TLN2: variants seen among roughly 807,000 people sequenced by gnomAD.
TLN2 encodes the protein talin-2.
A neutral mutation model predicts 294.7 loss-of-function variants in TLN2; 118 were observed. The ratio of observed to expected loss-of-function variants is 0.40; its 90% confidence interval spans 0.34 to 0.47. The LOEUF (loss-of-function observed/expected upper bound fraction) is 0.47. Ranked by LOEUF, TLN2 falls within the 20% of genes least tolerant of loss-of-function variation. The pLI is 0.84. For missense variants in TLN2, 3,083 were observed against 3,282.2 expected, an observed-to-expected ratio of 0.94 and a Z score of 1.48; for synonymous variants, 1,431 against 1,304.5, an observed-to-expected ratio of 1.10 and a Z score of -2.09.
chr15:62,610,989 C>G (rs911140162), intron 2 of TLN2, among the ~76,000 whole-genome samples: 1 of 152,110 alleles, frequency 6.6e-6, no homozygotes, highest in African/African-American at 2.4e-5. Flanking sequence ...ACCATGGCAC[C>G]CCCTCCTGCA....
At chr15:62,438,388 C>T (rs914772375) in intron 1 of TLN2, among the ~76,000 whole-genome samples, 1 of 152,146 alleles carries the variant, frequency 6.6e-6, no homozygotes, top group Non-Finnish European at 1.5e-5. Flanking sequence ...TCTGAAAGGT[C>T]CTTTCCTATC....
chr15:62,772,046 G>C (rs2063379523), intron 42 of TLN2, among the ~76,000 whole-genome samples: 1 of 152,100 alleles, frequency 6.6e-6, no homozygotes, highest in Admixed American at 6.5e-5. Context: ...TCCTGCCTCA[G>C]CCTCCCAAGT....
At chr15:62,682,400 A>G (rs1042211710) in intron 11 of TLN2, among the ~76,000 whole-genome samples, 1 of 152,214 alleles carries the variant, frequency 6.6e-6, no homozygotes, top group African/African-American at 2.4e-5. Flanking sequence ...ACCTCCATAC[A>G]GAGCATGTCT....
At chr15:62,695,454 A>G (rs1252522481) in intron 14 of TLN2, among the ~76,000 whole-genome samples, 1 of 152,162 alleles carries the variant, frequency 6.6e-6, no homozygotes, top group Admixed American at 6.5e-5. Context: ...TATCTTTCCC[A>G]GTCCACGGAT....
chr15:62,520,620 G>A (rs1229562688), intron 1 of TLN2, among the ~76,000 whole-genome samples: 1 of 152,114 alleles, frequency 6.6e-6, no homozygotes, highest in African/African-American at 2.4e-5. Flanking sequence ...CTTCTAAACG[G>A]GAAACATAAC....
intron 1 of TLN2, among the ~76,000 whole-genome samples, chr15:62,584,796 C>A (rs980178152): frequency 2.0e-5 from 3 of 152,200 alleles, no homozygotes; most frequent in African/African-American, 7.2e-5. Context: ...TATTCGTTTG[C>A]TTCTTGGATT....
intron 11 of TLN2, among the ~76,000 whole-genome samples, chr15:62,676,637 C>T (rs62004579): frequency 0.023 from 3,553 of 152,184 alleles, 55 homozygotes; most frequent in Non-Finnish European, 0.034. Context: ...TTTTTGGAGA[C>T]GGAGTCTCAC....
intron 1 of TLN2, among the ~76,000 whole-genome samples, chr15:62,552,925 A>G (rs535243309): frequency 6.6e-6 from 1 of 152,360 alleles, no homozygotes; most frequent in Admixed American, 6.5e-5. Flanking sequence ...TACTGCAAAT[A>G]ATGAGAATTG....
At chr15:62,714,698 C>T (rs927621621) in intron 22 of TLN2, among the ~76,000 whole-genome samples, 1 of 151,998 alleles carries the variant, frequency 6.6e-6, no homozygotes, top group Non-Finnish European at 1.5e-5. Flanking sequence ...TTTTAATTTG[C>T]TGAATTTTGT....
intron 10 of TLN2, 113 bp from the exon 11 acceptor site, chr15:62,675,104 C>T: frequency 1.1e-6 from 1 of 949,776 alleles, no homozygotes; most frequent in Non-Finnish European, 1.6e-6. Context: ...ACAACCATCA[C>T]TTAATGATCA....
chr15:62,761,449 T>G (rs900026481), intron 37 of TLN2, among the ~76,000 whole-genome samples: 8 of 152,154 alleles, frequency 5.3e-5, no homozygotes, highest in Non-Finnish European at 1.2e-4. Context: ...AAGTTGACTG[T>G]GGAGTCAGTT....
intron 3 of TLN2, among the ~76,000 whole-genome samples, chr15:62,644,139 G>A (rs886180511): frequency 4.6e-5 from 7 of 151,582 alleles, no homozygotes; most frequent in African/African-American, 1.5e-4. Flanking sequence ...GCTACTCCAG[G>A]CTCTCCCCCG....
In TLN2 at chr15:62,781,253, G is replaced by A. The variant is rs1037053137; in HGVS notation, c.5616+12G>A. 6.2e-7 allele frequency: 1 copy of A among 1,603,590 alleles called. No homozygotes were observed. On this transcript the variant is annotated intron_variant, in intron 44 of 58. Coordinates refer to ENST00000636159, the MANE Select transcript of TLN2 (RefSeq NM_015059.3). ...CAGCTCAGGAAATGGTAAGAGGGAA[G>A]AGAGCTGCCCTCCCCACTGTTGTTT...
chr15:62,842,098 G>C lies in TLN2; in HGVS notation c.*1488G>C, dbSNP rs780961029. The C allele has an allele frequency of 1.3e-5, 2 of 152,084 alleles. No individual in the cohort carries two copies. The highest frequency in any genetic ancestry group is 4.8e-5 in the African/African-American group (2 of 41,390). The allele number at this position is 152,084 out of a possible 1,614,324, so 9.4% of individuals were successfully genotyped here. A position where few individuals can be genotyped will look rare whatever the true frequency, so the allele number is the denominator to read the frequency against. ...AAGATGTCACCTTTCGACCTTGCCC[G>C]ATCTTGTTTCACCAGACTCTAGCCC... On this transcript the variant is annotated 3_prime_UTR_variant, in exon 59 of 59. Transcript: ENST00000636159.
intron 3 of TLN2, among the ~76,000 whole-genome samples, chr15:62,635,260 A>G (rs1293700464): frequency 1.3e-5 from 2 of 152,204 alleles, no homozygotes; most frequent in East Asian, 3.8e-4. Flanking sequence ...ATTTTAGCTT[A>G]AGAAAATAAT....
chr15:62,719,654 C>A, intron 24 of TLN2, 113 bp from the exon 25 acceptor site: 2 of 756,686 alleles, frequency 2.6e-6, no homozygotes, highest in Non-Finnish European at 4.0e-6. Flanking sequence ...CTGGGGCTGG[C>A]GTCCCCTGGG....
At position 62,694,261 on chromosome 15, in the gene TLN2, G is replaced by A. The variant is rs530205150; in HGVS notation, c.1216-55G>A. ...CAAAGTGCTGGGATTAGAGGCGTGAGCCACCGCGCGTGGCCTGGTTTTCAT... is the reference window on the plus strand; with the variant it reads ...CAAAGTGCTGGGATTAGAGGCGTGAACCACCGCGCGTGGCCTGGTTTTCAT... On this transcript the variant is annotated intron_variant, in intron 13 of 58. Coordinates refer to ENST00000636159, the MANE Select transcript of TLN2 (RefSeq NM_015059.3). 1.9e-6 allele frequency: 3 copies of A among 1,556,436 alleles called. No individual in the cohort carries two copies. In the East Asian group the frequency reaches 6.7e-5, roughly 35 times the overall value.
At chr15:62,514,056 C>G (rs1453925122) in intron 1 of TLN2, among the ~76,000 whole-genome samples, 1 of 152,226 alleles carries the variant, frequency 6.6e-6, no homozygotes, top group Non-Finnish European at 1.5e-5. Flanking sequence ...ACTTGAAAGA[C>G]ACAACTTTCT....
intron 1 of TLN2, among the ~76,000 whole-genome samples, chr15:62,487,600 A>C (rs1178208511): frequency 6.7e-6 from 1 of 150,296 alleles, no homozygotes; most frequent in Non-Finnish European, 1.5e-5. Flanking sequence ...TTGGTGGCCG[A>C]GGTGGGAAGC....
Sources: allele counts gnomAD v4.1 joint callset (sites outside exome capture counted in the v4.1 genomes callset), GRCh38; gene constraint gnomAD v4.1.1; transcripts MANE v1.5; gene names NCBI Gene and HGNC (gene_info 2026-07-23, HGNC 2026-07-21).